TBCA: variants seen among roughly 807,000 people sequenced by gnomAD.
TBCA encodes the protein tubulin folding cofactor A, also known as tubulin-specific chaperone A.
TBCA carries 6 observed loss-of-function variants against 15.8 expected under a neutral mutation model. The observed-to-expected ratio is 0.38, with a 90% CI of 0.21 to 0.75. The LOEUF is 0.75. TBCA is among the 30% of genes least tolerant of loss of function. The pLI is 0.46. For synonymous variants in TBCA, 32 were observed against 42.3 expected (o/e 0.76, Z 0.94); for missense variants, 90 against 131.2 (o/e 0.69, Z 1.53).
At chr5:77,706,762 G>C (rs932477117) in intron 2 of TBCA, among the ~76,000 whole-genome samples, 1 of 136,192 alleles carries the variant, frequency 7.3e-6, no homozygotes, top group African/African-American at 2.8e-5. Context: ...AGTGAGCCAA[G>C]ATTGCACCAC....
chr5:77,740,285 G>A (rs1747002428), intron 1 of TBCA, among the ~76,000 whole-genome samples: 1 of 152,192 alleles, frequency 6.6e-6, no homozygotes, highest in Admixed American at 6.5e-5. Flanking sequence ...TGACAGGTAT[G>A]TGACATCATA....
intron 1 of TBCA, among the ~76,000 whole-genome samples, chr5:77,733,250 C>G (rs1404450462): frequency 1.3e-5 from 2 of 152,158 alleles, no homozygotes; most frequent in Non-Finnish European, 2.9e-5. Flanking sequence ...TATTGCACTC[C>G]AGCCTGGGCA....
intron 1 of TBCA, among the ~76,000 whole-genome samples, chr5:77,727,757 C>G (rs1746664299): frequency 6.6e-6 from 1 of 151,990 alleles, no homozygotes; most frequent in Non-Finnish European, 1.5e-5. Context: ...CAGGGAATAC[C>G]TTAAATGTGA....
At chr5:77,738,881 C>G (rs904984022) in intron 1 of TBCA, among the ~76,000 whole-genome samples, 14 of 152,136 alleles carry the variant, frequency 9.2e-5, no homozygotes, top group African/African-American at 2.9e-4. Context: ...CTGCACCTGG[C>G]CTCAAGTCAC....
intron 1 of TBCA, among the ~76,000 whole-genome samples, chr5:77,750,301 G>GT (rs1747293899): frequency 6.6e-6 from 1 of 152,000 alleles, no homozygotes; most frequent in Non-Finnish European, 1.5e-5. Context: ...GACATAAGGA[G>GT]TAAGACACTG....
chr5:77,767,105 C>G (rs1019172504), intron 1 of TBCA, among the ~76,000 whole-genome samples: 2 of 152,158 alleles, frequency 1.3e-5, no homozygotes, highest in Admixed American at 6.5e-5. Context: ...AATGTAAGTT[C>G]AAATACACTT....
At chr5:77,762,961 C>T (rs537724039) in intron 1 of TBCA, among the ~76,000 whole-genome samples, 2 of 152,216 alleles carry the variant, frequency 1.3e-5, no homozygotes, top group African/African-American at 4.8e-5. Context: ...AAAAGACAAG[C>T]GGCCGGGCGC....
intron 2 of TBCA, among the ~76,000 whole-genome samples, chr5:77,693,999 C>T (rs1745817845): frequency 6.6e-6 from 1 of 152,082 alleles, no homozygotes; most frequent in Non-Finnish European, 1.5e-5. Context: ...TTGCAAAGCA[C>T]CTTTATCTAA....
chr5:77,730,589 A>T (rs1370525530), intron 1 of TBCA, among the ~76,000 whole-genome samples: 2 of 76,852 alleles, frequency 2.6e-5, no homozygotes, highest in Admixed American at 3.1e-4. Flanking sequence ...AATACATGGG[A>T]ACATCAGCAT....
intron 2 of TBCA, among the ~76,000 whole-genome samples, chr5:77,700,304 T>C (rs892680988): frequency 2.0e-5 from 3 of 152,012 alleles, no homozygotes; most frequent in Admixed American, 6.5e-5. Context: ...AAACCACGTA[T>C]CTGACAAAGG....
intron 1 of TBCA, among the ~76,000 whole-genome samples, chr5:77,763,173 G>A (rs1376226999): frequency 6.6e-6 from 1 of 152,164 alleles, no homozygotes; most frequent in South Asian, 2.1e-4. Context: ...GAACCCGGGA[G>A]GCGGAGCTTG....
intron 1 of TBCA, among the ~76,000 whole-genome samples, chr5:77,764,375 G>A (rs1747725732): frequency 6.6e-6 from 1 of 152,152 alleles, no homozygotes; most frequent in African/African-American, 2.4e-5. Flanking sequence ...TGAGGGCTGT[G>A]CATGGACCAA....
chr5:77,752,136 TTAAAG>T (rs1747359915), intron 1 of TBCA, among the ~76,000 whole-genome samples: 1 of 152,200 alleles, frequency 6.6e-6, no homozygotes, highest in Admixed American at 6.5e-5. Context: ...AAATTTGTCC[TTAAAG>T]TAGTTATTTT....
At chr5:77,718,872 C>G (rs1435195080) in intron 1 of TBCA, among the ~76,000 whole-genome samples, 1 of 152,158 alleles carries the variant, frequency 6.6e-6, no homozygotes, top group Non-Finnish European at 1.5e-5. Context: ...AAACTTAACT[C>G]AAATAAATGT....
intron 1 of TBCA, among the ~76,000 whole-genome samples, chr5:77,750,390 C>A (rs1747295503): frequency 1.3e-5 from 2 of 151,990 alleles, no homozygotes; most frequent in South Asian, 4.1e-4. Flanking sequence ...TCTTTTTGTG[C>A]CAGGGCTCTG....
intron 1 of TBCA, among the ~76,000 whole-genome samples, chr5:77,733,006 G>A (rs1223035684): frequency 6.6e-6 from 1 of 152,224 alleles, no homozygotes; most frequent in African/African-American, 2.4e-5. Context: ...GATTGGCCAA[G>A]CACAGTGGTT....
chr5:77,701,320 A>G (rs1191430634), intron 2 of TBCA, among the ~76,000 whole-genome samples: 2 of 152,172 alleles, frequency 1.3e-5, no homozygotes, highest in African/African-American at 4.8e-5. Context: ...AATGCTCAAC[A>G]CTAATGATCA....
intron 1 of TBCA, 137 bp downstream of exon 1, chr5:77,776,068 G>C: frequency 9.2e-7 from 1 of 1,081,822 alleles, no homozygotes; most frequent in South Asian, 1.6e-5. Context: ...GCCAGTCCCA[G>C]CCAACTGCGG....
intron 1 of TBCA, among the ~76,000 whole-genome samples, chr5:77,772,794 T>C (rs1243491305): frequency 6.6e-6 from 1 of 152,244 alleles, no homozygotes; most frequent in African/African-American, 2.4e-5. Context: ...TATCACCAAG[T>C]TTCATAAAAT....
Sources: gnomAD v4.1 joint callset for allele counts (sites outside exome capture counted in the v4.1 genomes callset) on GRCh38, gnomAD v4.1.1 for gene constraint, MANE v1.5 for transcripts, NCBI Gene and HGNC (gene_info 2026-07-23, HGNC 2026-07-21) for gene names.